Variants in SCFD2 observed in about 807,000 individuals in gnomAD.
SCFD2 encodes sec1 family domain-containing protein 2.
In SCFD2, 54 loss-of-function variants were observed where a neutral mutation model predicts 58.9. The observed-to-expected ratio is 0.92, with a 90% CI of 0.74 to 1.15. The LOEUF is 1.15. Among genes scored for constraint, SCFD2 ranks in the 50% most tolerant of loss-of-function variants. The pLI is 0.00. For missense variants in SCFD2, 805 were observed against 836.6 expected, an observed-to-expected ratio of 0.96 and a Z score of 0.47; for synonymous variants, 321 against 335.9, an observed-to-expected ratio of 0.96 and a Z score of 0.49.
intron 5 of SCFD2, among the ~76,000 whole-genome samples, chr4:53,115,691 A>C (rs1725299385): frequency 6.6e-6 from 1 of 152,198 alleles, no homozygotes; most frequent in African/African-American, 2.4e-5. Flanking sequence ...ATATGGGCTG[A>C]CATGGTATTT....
At chr4:53,009,762 C>T (rs945819197) in intron 5 of SCFD2, among the ~76,000 whole-genome samples, 2 of 152,184 alleles carry the variant, frequency 1.3e-5, no homozygotes, top group African/African-American at 4.8e-5. Context: ...TCACCCCCTG[C>T]TTCCCTTTAT....
chr4:53,156,435 G>T (rs2148922829), intron 4 of SCFD2, among the ~76,000 whole-genome samples: 1 of 148,366 alleles, frequency 6.7e-6, no homozygotes, highest in Middle Eastern at 3.8e-3. Context: ...AAGAGCTCCT[G>T]GCCTGTAATC....
chr4:53,342,624 G>C (rs2149149201), intron 2 of SCFD2, among the ~76,000 whole-genome samples: 1 of 152,312 alleles, frequency 6.6e-6, no homozygotes, highest in Non-Finnish European at 1.5e-5. Flanking sequence ...GACATCTACA[G>C]AACTCTCTAA....
chr4:53,298,622 G>A lies in SCFD2; in HGVS notation c.1135+15014C>T, dbSNP rs572616975. Among the ~76,000 whole-genome samples the A allele has an allele frequency of 1.9e-4, 29 of 152,324 alleles. No homozygotes were observed. In the South Asian group the frequency reaches 6.0e-3, roughly 32 times the overall value. On this transcript the variant is annotated intron_variant, in intron 3 of 8. Coordinates refer to ENST00000401642, the MANE Select transcript of SCFD2 (RefSeq NM_152540.4). ...GTGGTTCTCCCAGCACACAGCTTGA[G>A]ATCTGAGAAAGGGCAGACTGCCTCC...
intron 3 of SCFD2, among the ~76,000 whole-genome samples, chr4:53,285,322 C>T (rs1163616298): frequency 6.6e-6 from 1 of 151,972 alleles, no homozygotes; most frequent in Non-Finnish European, 1.5e-5. Flanking sequence ...GGCAAATTAC[C>T]AGGCTGCCAG....
rs1728906082 is a variant in SCFD2, at chr4:53,217,890, C to G, written c.1311+55936G>C. Among the ~76,000 whole-genome samples the G allele has an allele frequency of 1.3e-5, 2 of 152,136 alleles. 1 individual carries two copies. The highest frequency in any genetic ancestry group is 4.1e-4 in the South Asian group (2 of 4,828). On this transcript the variant is annotated intron_variant, in intron 4 of 8. Transcript: ENST00000401642. ...TTGTCTGTAAAGGATTTTATTTCTC[C>G]TTCACTTATGAAGCTTAGTTTGGCT...
At chr4:52,996,769 CTGTTACTT>C (rs980063935) in intron 5 of SCFD2, among the ~76,000 whole-genome samples, 5 of 152,226 alleles carry the variant, frequency 3.3e-5, no homozygotes, top group Admixed American at 1.3e-4. Flanking sequence ...CTGTCTGCAT[CTGTTACTT>C]TTCCCAACCA....
At chr4:53,170,741 T>A (rs1345270341) in intron 4 of SCFD2, among the ~76,000 whole-genome samples, 1 of 152,214 alleles carries the variant, frequency 6.6e-6, no homozygotes, top group Non-Finnish European at 1.5e-5. Context: ...AGTGAATAGA[T>A]CTTTCACATT....
chr4:53,290,888 A>G (rs1321162243), intron 3 of SCFD2, among the ~76,000 whole-genome samples: 1 of 152,116 alleles, frequency 6.6e-6, no homozygotes, highest in African/African-American at 2.4e-5. Context: ...GTAACATAGT[A>G]AAATTGAATA....
intron 5 of SCFD2, among the ~76,000 whole-genome samples, chr4:53,065,967 C>T (rs1723652015): frequency 6.6e-6 from 1 of 152,090 alleles, no homozygotes; most frequent in Non-Finnish European, 1.5e-5. Context: ...ATTCACTGAA[C>T]AGCTCTTATA....
intron 2 of SCFD2, among the ~76,000 whole-genome samples, chr4:53,338,713 T>C (rs997764447): frequency 6.0e-5 from 9 of 150,028 alleles, no homozygotes; most frequent in African/African-American, 2.2e-4. Context: ...CCCGAGTAGC[T>C]GGGACCACAG....
At chr4:53,362,009 A>T (rs931532710) in intron 1 of SCFD2, among the ~76,000 whole-genome samples, 1 of 152,116 alleles carries the variant, frequency 6.6e-6, no homozygotes, top group Non-Finnish European at 1.5e-5. Flanking sequence ...CAGTAAACAA[A>T]ACAGAGTCCC....
Position 53,145,384 on chromosome 4 carries a change from G to A in SCFD2, c.1510C>T (p.Gln504Ter), listed in dbSNP as rs747024742. ...AATCCAGATTCCTCACAGAAGACCT[G>A]AGCCAATGCTTTCTTGACTTTTTCT... ...AEEKVKKALA[Q>*]VFCEESGLSP... The change falls in exon 5 of 9, where the codon CAG becomes TAG. Residue 504 changes from glutamine to a stop codon, truncating the protein, a stop_gained. Coordinates refer to ENST00000401642, the MANE Select transcript of SCFD2 (RefSeq NM_152540.4). LOFTEE classifies it high-confidence loss of function. 12 of 1,614,096 alleles carry A rather than the reference G, an allele frequency of 7.4e-6. No individual in the cohort carries two copies. The highest frequency in any genetic ancestry group is 9.3e-6 in the Non-Finnish European group (11 of 1,179,998).
chr4:53,110,325 G>C (rs1046104544), intron 5 of SCFD2, among the ~76,000 whole-genome samples: 1 of 152,138 alleles, frequency 6.6e-6, no homozygotes, highest in Non-Finnish European at 1.5e-5. Context: ...TCAGGAGATA[G>C]GCATGGGCAA....
intron 5 of SCFD2, among the ~76,000 whole-genome samples, chr4:53,067,311 C>A (rs1723689874): frequency 6.6e-6 from 1 of 151,926 alleles, no homozygotes; most frequent in Non-Finnish European, 1.5e-5. Context: ...GGGCCTCACA[C>A]CTTTCTTTTG....
intron 6 of SCFD2, among the ~76,000 whole-genome samples, chr4:52,915,114 G>A (rs1719572364): frequency 6.6e-6 from 1 of 152,190 alleles, no homozygotes; most frequent in South Asian, 2.1e-4. Flanking sequence ...AGCAGTTCCT[G>A]ACATAATATA....
chr4:52,884,848 G>A (rs1007788742), intron 8 of SCFD2, among the ~76,000 whole-genome samples: 2 of 152,104 alleles, frequency 1.3e-5, no homozygotes, highest in African/African-American at 2.4e-5. Context: ...GCTCAAAAAC[G>A]GCCGGGAATA....
intron 3 of SCFD2, among the ~76,000 whole-genome samples, chr4:53,275,996 A>G (rs1731314737): frequency 6.6e-6 from 1 of 151,898 alleles, no homozygotes; most frequent in Non-Finnish European, 1.5e-5. Flanking sequence ...TAAAGCCTTC[A>G]CAAACATCTG....
At chr4:53,130,474 CCCTT>C (rs1190630486) in intron 5 of SCFD2, among the ~76,000 whole-genome samples, 3 of 152,240 alleles carry the variant, frequency 2.0e-5, no homozygotes, top group African/African-American at 7.2e-5. Flanking sequence ...ACATTGGTAT[CCCTT>C]CCTTTGTGGA....
Sources: allele counts gnomAD v4.1 joint callset (sites outside exome capture counted in the v4.1 genomes callset), GRCh38; gene constraint gnomAD v4.1.1; transcripts MANE v1.5; gene names NCBI Gene and HGNC (gene_info 2026-07-23, HGNC 2026-07-21).